The following CFAP47 variants were observed in gnomAD, a reference collection of about 807,000 sequenced individuals.
The protein encoded by CFAP47 is cilia and flagella associated protein 47.
CFAP47 carries 29 observed loss-of-function variants against 148.1 expected under a neutral mutation model. The observed-to-expected ratio is 0.20, with a 90% CI of 0.15 to 0.27. The LOEUF is 0.27. CFAP47 is among the 10% of genes least tolerant of loss of function. The pLI is 1.00. For synonymous variants in CFAP47, 664 were observed against 577.3 expected, an observed-to-expected ratio of 1.15 and a Z score of -2.15; for missense variants, 1,872 against 1,697.5, an observed-to-expected ratio of 1.10 and a Z score of -1.81.
At chrX:36,145,881 A>G (rs1027246379) in intron 36 of CFAP47, among the ~76,000 whole-genome samples, 2 of 110,279 alleles carry the variant, frequency 1.8e-5, no homozygotes, top group Non-Finnish European at 3.8e-5. Context: ...AATTGAAGAA[A>G]AAAAAAAACA....
rs782117175 is a variant in CFAP47 at position 36,345,660 on chromosome X, A to C, written c.8444-2469A>C. On this transcript the variant is annotated intron_variant, in intron 57 of 63. Transcript: ENST00000378653. ...GGGACTTTGGGCAAGTTATTTAACT[A>C]AATTGTGTCAATGTTTTCATTTCTA... Among the ~76,000 whole-genome samples the C allele has an allele frequency of 6.2e-5, 7 of 112,055 alleles. No homozygotes were observed. In the South Asian group the frequency reaches 2.6e-3, roughly 42 times the overall value.
At chrX:36,230,688 G>A (rs1940339769) in intron 46 of CFAP47, among the ~76,000 whole-genome samples, 1 of 109,913 alleles carries the variant, frequency 9.1e-6, no homozygotes, top group Admixed American at 9.8e-5. Context: ...CCTTGCCCAC[G>A]CCTATGTCCT....
chrX:36,288,879 TAAAAATTTAAAAA>T (rs1284846456), intron 51 of CFAP47, among the ~76,000 whole-genome samples: 1 of 110,626 alleles, frequency 9.0e-6, no homozygotes, highest in Non-Finnish European at 1.9e-5. Context: ...GTAAACAAAA[TAAAAATTTAAAAA>T]ACACATGTGA....
intron 48 of CFAP47, among the ~76,000 whole-genome samples, chrX:36,238,458 A>G (rs1324292120): frequency 3.6e-5 from 4 of 111,514 alleles, no homozygotes; most frequent in East Asian, 5.7e-4. Context: ...CATTTTATCT[A>G]TTATCCTCAT....
At chrX:36,037,880 T>C (rs1222858697) in intron 24 of CFAP47, among the ~76,000 whole-genome samples, 3 of 112,017 alleles carry the variant, frequency 2.7e-5, no homozygotes, top group Non-Finnish European at 3.8e-5. Context: ...CATTCTCTTA[T>C]AGCTTATTTT....
In CFAP47 at chrX:36,319,176, T is replaced by C. The variant is rs1180526364; in HGVS notation, c.8345-33T>C. ...GCTGTTTTTCTTCTTGAATGTGACA[T>C]TGAAGTGTAATATCTCTTTATTTTT... On this transcript the variant is annotated intron_variant, in intron 56 of 63. Transcript: ENST00000378653. The C allele has an allele frequency of 1.4e-4, 108 of 767,912 alleles. No homozygotes were observed. The East Asian group carries it at 4.3e-3, about 31-fold the overall frequency. The allele number at this position is 767,912 out of a possible 1,213,427, so 63.3% of individuals were successfully genotyped here. A position where few individuals can be genotyped will look rare whatever the true frequency, so the allele number is the denominator to read the frequency against.
At chrX:36,234,497 T>A (rs1555993613) in intron 46 of CFAP47, among the ~76,000 whole-genome samples, 1 of 111,832 alleles carries the variant, frequency 8.9e-6, no homozygotes, top group African/African-American at 3.3e-5. Flanking sequence ...TGTATTGGTT[T>A]TTCTAGTTTT....
chrX:36,013,444 A>G (rs1937062826), intron 21 of CFAP47, among the ~76,000 whole-genome samples: 1 of 112,076 alleles, frequency 8.9e-6, no homozygotes, highest in Non-Finnish European at 1.9e-5. Context: ...TCTTTCGGAT[A>G]TATGAACAAT....
chrX:36,206,971 C>T (rs1459706199), intron 45 of CFAP47, among the ~76,000 whole-genome samples: 1 of 112,159 alleles, frequency 8.9e-6, no homozygotes, highest in Non-Finnish European at 1.9e-5. Context: ...TTTCTGTTTT[C>T]ACTGCCTTAA....
At chrX:36,037,935 C>A (rs749417059) in intron 24 of CFAP47, among the ~76,000 whole-genome samples, 2 of 111,551 alleles carry the variant, frequency 1.8e-5, no homozygotes, top group Non-Finnish European at 3.8e-5. Flanking sequence ...TTCACATAGT[C>A]TTTCCAGTAC....
intron 18 of CFAP47, among the ~76,000 whole-genome samples, chrX:35,996,409 A>T (rs1316684922): frequency 9.0e-6 from 1 of 111,616 alleles, no homozygotes; most frequent in Non-Finnish European, 1.9e-5. Context: ...TAATTCTGAA[A>T]AATGGTATTT....
At chrX:36,137,885 C>T in intron 33 of CFAP47, 73 bp from the exon 34 acceptor site, 1 of 423,513 alleles carries the variant, frequency 2.4e-6, no homozygotes, top group Non-Finnish European at 4.0e-6. Flanking sequence ...TTTACTATTG[C>T]TCAAATTTCC....
intron 33 of CFAP47, among the ~76,000 whole-genome samples, chrX:36,111,418 A>G (rs1294971549): frequency 8.9e-6 from 1 of 112,417 alleles, no homozygotes; most frequent in Non-Finnish European, 1.9e-5. Context: ...TTATTTGCAT[A>G]CATTGAATTA....
At chrX:36,256,128 A>G (rs1940748597) in intron 49 of CFAP47, among the ~76,000 whole-genome samples, 1 of 112,117 alleles carries the variant, frequency 8.9e-6, no homozygotes, top group Non-Finnish European at 1.9e-5. Context: ...TTATTACAGG[A>G]TTAGTGTGTA....
At chrX:36,133,596 C>T (rs917823679) in intron 33 of CFAP47, among the ~76,000 whole-genome samples, 6 of 110,304 alleles carry the variant, frequency 5.4e-5, no homozygotes, top group African/African-American at 2.0e-4. Flanking sequence ...AGCCAGAGCT[C>T]TCATGATCTA....
At chrX:36,038,924 T>C in intron 24 of CFAP47, 60 bp from the exon 25 acceptor site, 4 of 531,914 alleles carry the variant, frequency 7.5e-6, no homozygotes, top group Non-Finnish European at 1.1e-5. Flanking sequence ...AGTTCAGCTA[T>C]GTAAATTTTT....
At chrX:36,248,370 T>C in intron 48 of CFAP47, among the ~76,000 whole-genome samples, 1 of 105,037 alleles carries the variant, frequency 9.5e-6, no homozygotes, top group South Asian at 3.9e-4. Flanking sequence ...AATATGTGTG[T>C]ATATATATTA....
At chrX:36,335,349 A>G (rs1342637378) in intron 57 of CFAP47, among the ~76,000 whole-genome samples, 1 of 110,883 alleles carries the variant, frequency 9.0e-6, no homozygotes, top group Non-Finnish European at 1.9e-5. Context: ...CATGACATCT[A>G]CCTCTACCAA....
intron 27 of CFAP47, among the ~76,000 whole-genome samples, chrX:36,066,538 G>T (rs1184660016): frequency 9.0e-6 from 1 of 111,673 alleles, no homozygotes; most frequent in Non-Finnish European, 1.9e-5. Context: ...ATTGTGACAA[G>T]CAAGTCACAA....
Sources: gnomAD v4.1 joint callset for allele counts (sites outside exome capture counted in the v4.1 genomes callset) on GRCh38, gnomAD v4.1.1 for gene constraint, MANE v1.5 for transcripts, NCBI Gene and HGNC (gene_info 2026-07-23, HGNC 2026-07-21) for gene names.